The following BCAP29 variants were observed in gnomAD, a reference collection of about 807,000 sequenced individuals.
The protein encoded by BCAP29 is B-cell receptor-associated protein 29.
Under a neutral mutation model 31.8 loss-of-function variants are expected in BCAP29, and 34 were observed. That is an observed-to-expected ratio of 1.07 (90% CI 0.81 to 1.42). The LOEUF is 1.42. Among genes scored for constraint, BCAP29 ranks in the 40% most tolerant of loss-of-function variants. BCAP29 has a pLI of 0.00. For missense variants in BCAP29, 314 were observed against 269.2 expected, an observed-to-expected ratio of 1.17 and a Z score of -1.16; for synonymous variants, 104 against 91.3, an observed-to-expected ratio of 1.14 and a Z score of -0.79.
rs1280843038 is a variant in BCAP29, at chr7:107,593,969, G to A, written c.208G>A (p.Val70Ile). The A allele has an allele frequency of 6.2e-7, 1 of 1,610,456 alleles. No individual in the cohort carries two copies. The highest frequency in any genetic ancestry group is 1.7e-5 in the Admixed American group (1 of 58,712). ...TTCTGTAATAGATGCTGTGAGAGAA[G>A]TAAGGAAATATTCCTCAGTTCATAC... is the stretch of plus-strand genomic sequence containing the variant. Reference protein sequence around the residue: ...IVLFLDAVREVRKYSSVHTIE... With the variant: ...IVLFLDAVREIRKYSSVHTIE... Residue 70 changes from valine (V) to isoleucine (I), a missense_variant, in exon 4 of 8, where the codon GTA (valine) becomes ATA (isoleucine). Val to Ile is a conservative substitution (Grantham distance 29, BLOSUM62 3). Transcript: ENST00000005259.
intron 5 of BCAP29, among the ~76,000 whole-genome samples, chr7:107,597,467 G>C (rs1433608892): frequency 2.6e-5 from 4 of 152,138 alleles, no homozygotes; most frequent in Non-Finnish European, 5.9e-5. Context: ...TCCAACATGT[G>C]ACCTAGCACA....
chr7:107,597,377 T>C (rs1810050291), intron 5 of BCAP29, among the ~76,000 whole-genome samples: 1 of 152,072 alleles, frequency 6.6e-6, no homozygotes, highest in Non-Finnish European at 1.5e-5. Context: ...CGCCCAGCCA[T>C]ACCTCTTCAT....
At chr7:107,589,851 G>T (rs898466713) in intron 3 of BCAP29, among the ~76,000 whole-genome samples, 1 of 152,094 alleles carries the variant, frequency 6.6e-6, no homozygotes, top group African/African-American at 2.4e-5. Context: ...ACAGACTTTC[G>T]CTTTGTTGCC....
intron 7 of BCAP29, 199 bp downstream of exon 7, chr7:107,613,631 A>T (rs770622262): frequency 6.3e-7 from 1 of 1,595,322 alleles, no homozygotes; most frequent in South Asian, 1.1e-5. Flanking sequence ...ATTTTAAGGA[A>T]TTGCTGACTT....
At chr7:107,580,913 T>C (rs1301301339) in intron 2 of BCAP29, 49 bp downstream of exon 2, 1 of 1,412,438 alleles carries the variant, frequency 7.1e-7, no homozygotes, top group East Asian at 2.6e-5. Context: ...TCGCTCTTAA[T>C]GTAAAATGGA....
intron 7 of BCAP29, among the ~76,000 whole-genome samples, chr7:107,614,946 C>T (rs966963229): frequency 6.6e-6 from 1 of 152,194 alleles, no homozygotes; most frequent in Non-Finnish European, 1.5e-5. Context: ...CTTCAGAGAC[C>T]TCTTGCCTAG....
chr7:107,603,231 A>C (rs1029442670), intron 6 of BCAP29: 1 of 151,986 alleles, frequency 6.6e-6, no homozygotes, highest in Non-Finnish European at 1.5e-5. Flanking sequence ...CGGCCTCCCA[A>C]AGTGCTGGGA....
intron 3 of BCAP29, among the ~76,000 whole-genome samples, chr7:107,590,820 G>GAAAAAAAA (rs751097308): frequency 7.0e-6 from 1 of 142,268 alleles, no homozygotes; most frequent in Admixed American, 7.0e-5. Context: ...CCCTGTCTCA[G>GAAAAAAAA]AAAAAAAAAA....
intron 2 of BCAP29, among the ~76,000 whole-genome samples, chr7:107,583,507 T>C (rs1326546618): frequency 2.0e-5 from 3 of 152,138 alleles, no homozygotes; most frequent in Non-Finnish European, 2.9e-5. Context: ...TGCCAATTGT[T>C]AGAACAATAT....
At chr7:107,591,701 A>G (rs1808870833) in intron 3 of BCAP29, among the ~76,000 whole-genome samples, 1 of 88,464 alleles carries the variant, frequency 1.1e-5, no homozygotes, top group Non-Finnish European at 2.3e-5. Context: ...ATCTTAACTA[A>G]GTAATCAAAT....
At chr7:107,605,162 A>G in intron 6 of BCAP29, among the ~76,000 whole-genome samples, 1 of 152,204 alleles carries the variant, frequency 6.6e-6, no homozygotes, top group East Asian at 1.9e-4. Flanking sequence ...ATCAAGGCCT[A>G]TACTCATAAA....
intron 3 of BCAP29, among the ~76,000 whole-genome samples, chr7:107,586,878 C>G (rs1316227206): frequency 1.3e-5 from 2 of 151,850 alleles, no homozygotes; most frequent in African/African-American, 4.8e-5. Flanking sequence ...CAGGCGAGAG[C>G]CACCAACCCC....
intron 3 of BCAP29, among the ~76,000 whole-genome samples, chr7:107,592,741 A>G (rs1473572231): frequency 2.0e-5 from 3 of 152,266 alleles, no homozygotes; most frequent in Non-Finnish European, 2.9e-5. Flanking sequence ...ATGGAATATT[A>G]TTCAGCCATA....
intron 7 of BCAP29, chr7:107,615,147 A>G (rs1055157498): frequency 2.2e-6 from 1 of 452,490 alleles, no homozygotes; most frequent in African/African-American, 2.0e-5. Context: ...GAATGTCTCC[A>G]TTGTTGAATG....
intron 2 of BCAP29, among the ~76,000 whole-genome samples, chr7:107,583,323 G>A (rs866035802): frequency 3.9e-5 from 6 of 151,926 alleles, no homozygotes; most frequent in Middle Eastern, 6.3e-3. Flanking sequence ...TATAGTGTGT[G>A]TGTGAAAATT....
Position 107,612,434 on chromosome 7 carries a change from TA to T in BCAP29, c.590-897del, listed in dbSNP as rs1554480142. On this transcript the variant is annotated intron_variant, in intron 6 of 7. Transcript: ENST00000005259. Reference sequence around the variant, plus strand: ...ATATATATATATATATATATATATATATATATTTATTTTACTTCTATCTAAG... The same window carrying T: ...ATATATATATATATATATATATATATTATATTTATTTTACTTCTATCTAAG... Among the ~76,000 whole-genome samples, 227 of 88,674 alleles carry T rather than the reference TA, an allele frequency of 2.6e-3. 6 individuals are homozygous for T. The highest frequency in any genetic ancestry group is 0.013 in the East Asian group (39 of 3,096). 58.2% of individuals were successfully genotyped at this position (88,674 alleles called of 152,430 possible).
intron 1 of BCAP29, 113 bp from the exon 2 acceptor site, chr7:107,580,646 G>A: frequency 1.4e-6 from 1 of 696,828 alleles, no homozygotes; most frequent in South Asian, 1.8e-5. Context: ...GCCTTCCCAG[G>A]TGGGGGAAGG....
rs753660532 is a variant in BCAP29 at position 107,600,409 on chromosome 7, C to T, written c.493C>T (p.His165Tyr). The change falls in exon 6 of 8, where the codon CAT becomes TAT. Residue 165 changes from histidine (H) to tyrosine (Y), a missense_variant. By Grantham distance (83) the His-to-Tyr change is moderately conservative. Coordinates refer to ENST00000005259, the MANE Select transcript of BCAP29 (RefSeq NM_018844.4). ...CCTTTTGCAATAGATTTTGAAAAGC[C>T]ATGGTAAAGATGAAGAATGTGTTTT... is the stretch of plus-strand genomic sequence containing the variant. ...NEKLKRILKS[H>Y]GKDEECVLEA... is the part of the protein sequence containing the mutation. 1.4e-5 allele frequency: 23 copies of T among 1,600,616 alleles called. No individual in the cohort carries two copies. The highest frequency in any genetic ancestry group is 2.0e-5 in the Non-Finnish European group (23 of 1,169,892).
intron 6 of BCAP29, among the ~76,000 whole-genome samples, chr7:107,609,326 G>A (rs1029048242): frequency 6.6e-6 from 1 of 152,150 alleles, no homozygotes; most frequent in African/African-American, 2.4e-5. Flanking sequence ...AACATTTTCA[G>A]GGCACTCTTA....
Sources: allele counts gnomAD v4.1 joint callset (sites outside exome capture counted in the v4.1 genomes callset), GRCh38; gene constraint gnomAD v4.1.1; transcripts MANE v1.5; gene names NCBI Gene and HGNC (gene_info 2026-07-23, HGNC 2026-07-21).